ZNF438: variants seen among roughly 807,000 people sequenced by gnomAD.
The protein encoded by ZNF438 is zinc finger protein 438.
ZNF438 carries 25 observed loss-of-function variants against 38.0 expected under a neutral mutation model. The observed-to-expected ratio is 0.66, with a 90% CI of 0.48 to 0.92. The LOEUF is 0.92. Among genes scored for constraint, ZNF438 ranks in the 40% least tolerant of loss-of-function variants. ZNF438 has a pLI of 0.00. For missense variants in ZNF438, 1,007 were observed against 999.6 expected (o/e 1.01, Z -0.10); for synonymous variants, 372 against 364.1 (o/e 1.02, Z -0.25).
intron 4 of ZNF438, among the ~76,000 whole-genome samples, chr10:30,871,032 G>GA (rs1168573262): frequency 1.3e-5 from 2 of 151,926 alleles, no homozygotes; most frequent in Non-Finnish European, 2.9e-5. Context: ...AGGAGGAAAA[G>GA]AAAAAAATAG....
rs745473764 is a variant in ZNF438, at chr10:30,848,837, C to T, written c.1568G>A (p.Arg523Gln). The stretch of plus-strand genomic sequence containing the variant: ...GTTGGTGTGTGTATTCATGTGGTCT[C>T]GAAGGTGCTGTTTGAACTGGAAGTG... The change falls in exon 5 of 6, where the codon CGA (arginine) becomes CAA (glutamine). Residue 523 changes from arginine (R) to glutamine (Q), a missense_variant. Transcript: ENST00000413025. 29 of 1,614,054 alleles carry T rather than the reference C, an allele frequency of 1.8e-5. No homozygotes were observed. In the Middle Eastern group the frequency reaches 4.9e-4, roughly 27 times the overall value.
chr10:30,861,856 T>C (rs1286315478), intron 4 of ZNF438, among the ~76,000 whole-genome samples: 1 of 152,172 alleles, frequency 6.6e-6, no homozygotes, highest in Non-Finnish European at 1.5e-5. Context: ...TTACAAAACA[T>C]CCAAGCCAGT....
chr10:30,932,911 C>A (rs1222075003), intron 2 of ZNF438, among the ~76,000 whole-genome samples: 1 of 152,162 alleles, frequency 6.6e-6, no homozygotes, highest in Non-Finnish European at 1.5e-5. Context: ...ATCATGCTAC[C>A]ACAAGGCAAG....
chr10:30,995,504 A>G (rs1370017829), intron 1 of ZNF438, among the ~76,000 whole-genome samples: 1 of 152,262 alleles, frequency 6.6e-6, no homozygotes, highest in Non-Finnish European at 1.5e-5. Flanking sequence ...GAAATACTAA[A>G]GGAAATTCTT....
At chr10:30,868,062 G>A (rs2036757990) in intron 4 of ZNF438, among the ~76,000 whole-genome samples, 1 of 134,992 alleles carries the variant, frequency 7.4e-6, no homozygotes, top group Non-Finnish European at 1.6e-5. Flanking sequence ...ACAGAGCAGT[G>A]TTTTTAAAGA....
chr10:30,909,997 T>C (rs1382953398), intron 2 of ZNF438, among the ~76,000 whole-genome samples: 2 of 152,216 alleles, frequency 1.3e-5, no homozygotes, highest in African/African-American at 4.8e-5. Flanking sequence ...TTTCACAGTT[T>C]GTCTAGCTAG....
At chr10:30,960,607 C>T (rs2049355930) in intron 1 of ZNF438, among the ~76,000 whole-genome samples, 1 of 146,814 alleles carries the variant, frequency 6.8e-6, no homozygotes, top group Admixed American at 6.9e-5. Context: ...AATTCCTCTC[C>T]ATTGATTTAT....
chr10:30,886,983 G>A (rs2040032370), intron 3 of ZNF438, among the ~76,000 whole-genome samples: 1 of 152,080 alleles, frequency 6.6e-6, no homozygotes, highest in East Asian at 1.9e-4. Flanking sequence ...TGCTAGAGAG[G>A]GGAAGATACT....
At chr10:30,850,875 C>T (rs1196112195) in intron 4 of ZNF438, among the ~76,000 whole-genome samples, 1 of 152,192 alleles carries the variant, frequency 6.6e-6, no homozygotes. Flanking sequence ...TTGTATAAAA[C>T]AAGCGCTTCT....
chr10:31,016,701 T>C (rs558822923), intron 1 of ZNF438, among the ~76,000 whole-genome samples: 44 of 152,370 alleles, frequency 2.9e-4, no homozygotes, highest in Non-Finnish European at 4.7e-4. Flanking sequence ...GCCTCTTTTT[T>C]AATACAAATA....
At chr10:30,873,973 G>C (rs1282436603) in intron 4 of ZNF438, among the ~76,000 whole-genome samples, 1 of 151,672 alleles carries the variant, frequency 6.6e-6, no homozygotes, top group Non-Finnish European at 1.5e-5. Flanking sequence ...GCCATCAATG[G>C]TTTGTTAAAT....
chr10:30,919,034 C>T (rs1197686524), intron 2 of ZNF438: 2 of 152,230 alleles, frequency 1.3e-5, no homozygotes, highest in Non-Finnish European at 2.9e-5. Context: ...TCTTTGTCTT[C>T]TGCTAGAGAC....
intron 4 of ZNF438, among the ~76,000 whole-genome samples, chr10:30,863,128 C>A (rs1182624371): frequency 6.6e-6 from 1 of 152,218 alleles, no homozygotes; most frequent in Non-Finnish European, 1.5e-5. Context: ...CAAGGGTGGA[C>A]AGCCACGGAT....
chr10:30,852,639 C>G (rs2033876745), intron 4 of ZNF438, among the ~76,000 whole-genome samples: 1 of 152,240 alleles, frequency 6.6e-6, no homozygotes, highest in East Asian at 1.9e-4. Flanking sequence ...TTATATTGAC[C>G]AGTTTATTTT....
intron 3 of ZNF438, among the ~76,000 whole-genome samples, chr10:30,903,181 C>G (rs1005698488): frequency 6.6e-6 from 1 of 152,214 alleles, no homozygotes; most frequent in South Asian, 2.1e-4. Context: ...GTGCCTCTCC[C>G]TCCACACCTC....
intron 1 of ZNF438, among the ~76,000 whole-genome samples, chr10:30,978,823 G>A (rs891379482): frequency 6.6e-6 from 1 of 152,190 alleles, no homozygotes; most frequent in African/African-American, 2.4e-5. Context: ...AATGGTAAAT[G>A]AACATTGGCT....
chr10:30,934,216 C>T lies in ZNF438; in HGVS notation c.-115+7359G>A, dbSNP rs116750817. Among the ~76,000 whole-genome samples the T allele has an allele frequency of 4.1e-3, 616 of 151,928 alleles. 7 individuals carry two copies. Among genetic ancestry groups the T allele is most frequent in the African/African-American group, 0.014 (579 of 41,430 alleles). On this transcript the variant is annotated intron_variant, in intron 2 of 5. Transcript: ENST00000413025. ...CTGGGGAACCCTCTTTGGGATGTACCGAGTTGGCAGATGCAGAAGAGTTGC... is the reference window on the plus strand; with the variant it reads ...CTGGGGAACCCTCTTTGGGATGTACTGAGTTGGCAGATGCAGAAGAGTTGC...
intron 3 of ZNF438, among the ~76,000 whole-genome samples, chr10:30,903,282 G>A (rs1454094354): frequency 3.3e-5 from 5 of 152,170 alleles, no homozygotes; most frequent in Non-Finnish European, 2.9e-5. Flanking sequence ...CCTCAAGCAC[G>A]GCCAGAATGG....
chr10:31,030,747 C>T (rs2057235308), intron 1 of ZNF438, among the ~76,000 whole-genome samples: 2 of 152,224 alleles, frequency 1.3e-5, no homozygotes, highest in African/African-American at 4.8e-5. Flanking sequence ...GAAGTGTGCA[C>T]AGTATTCTTC....
Sources: gnomAD v4.1 joint callset for allele counts (sites outside exome capture counted in the v4.1 genomes callset) on GRCh38, gnomAD v4.1.1 for gene constraint, MANE v1.5 for transcripts, NCBI Gene and HGNC (gene_info 2026-07-23, HGNC 2026-07-21) for gene names.